The following TMEM150C variants were observed in gnomAD, a reference collection of about 807,000 sequenced individuals.
TMEM150C encodes the protein transmembrane protein 150C, also known as tentonin 3.
Under a neutral mutation model 29.9 loss-of-function variants are expected in TMEM150C, and 10 were observed. That is an observed-to-expected ratio of 0.33 (90% CI 0.21 to 0.57). TMEM150C has a LOEUF of 0.57. TMEM150C is among the 20% of genes least tolerant of loss of function. TMEM150C has a pLI of 0.88. For synonymous variants in TMEM150C, 101 were observed against 112.5 expected, an observed-to-expected ratio of 0.90 and a Z score of 0.64; for missense variants, 251 against 303.6, an observed-to-expected ratio of 0.83 and a Z score of 1.29.
At position 82,483,764 on chromosome 4, in the gene TMEM150C, T is replaced by C. The variant is rs2110058314; in HGVS notation, c.*1747A>G. 6.6e-6 allele frequency: 1 copy of C among 151,976 alleles called. No individual in the cohort carries two copies. The highest frequency in any genetic ancestry group is 1.5e-5 in the Non-Finnish European group (1 of 68,012). The allele number at this position is 151,976 out of a possible 1,614,324, so 9.4% of individuals were successfully genotyped here. A position where few individuals can be genotyped will look rare whatever the true frequency, so the allele number is the denominator to read the frequency against. ...CCTTTTCCTCAAGAAATTCAGACTT[T>C]GGGTTGAATTAAAAAACGTTTTTCT... On this transcript the variant is annotated 3_prime_UTR_variant, in exon 8 of 8. Coordinates refer to ENST00000449862, the MANE Select transcript of TMEM150C (RefSeq NM_001080506.3).
intron 1 of TMEM150C, among the ~76,000 whole-genome samples, chr4:82,560,905 C>T (rs983601799): frequency 6.6e-6 from 1 of 152,210 alleles, no homozygotes; most frequent in Non-Finnish European, 1.5e-5. Flanking sequence ...CCCAACAGGA[C>T]CTCGCATGTA....
chr4:82,491,854 T>C, intron 6 of TMEM150C, among the ~76,000 whole-genome samples: 1 of 151,978 alleles, frequency 6.6e-6, no homozygotes, highest in East Asian at 1.9e-4. Flanking sequence ...CAATATTTAA[T>C]TGGCACAGAC....
intron 1 of TMEM150C, among the ~76,000 whole-genome samples, chr4:82,542,393 G>A (rs925890501): frequency 6.6e-6 from 1 of 152,160 alleles, no homozygotes; most frequent in Non-Finnish European, 1.5e-5. Context: ...AATAAAATGG[G>A]TTCAGATTAT....
intron 1 of TMEM150C, among the ~76,000 whole-genome samples, chr4:82,538,737 G>GTT (rs1412862349): frequency 1.3e-5 from 2 of 152,068 alleles, no homozygotes; most frequent in Non-Finnish European, 2.9e-5. Context: ...ATGAGTCAAA[G>GTT]CCTTAGAATG....
chr4:82,551,254 AT>A (rs1176514584), intron 1 of TMEM150C, among the ~76,000 whole-genome samples: 3 of 151,930 alleles, frequency 2.0e-5, no homozygotes, highest in Non-Finnish European at 4.4e-5. Flanking sequence ...CTTTACCATG[AT>A]TTTTTTTCTC....
At chr4:82,512,749 A>G in intron 1 of TMEM150C, among the ~76,000 whole-genome samples, 1 of 152,216 alleles carries the variant, frequency 6.6e-6, no homozygotes, top group East Asian at 1.9e-4. Flanking sequence ...AATTAATGCC[A>G]CTGAATTATA....
intron 1 of TMEM150C, among the ~76,000 whole-genome samples, chr4:82,511,620 C>T (rs1724130518): frequency 6.6e-6 from 1 of 151,954 alleles, no homozygotes; most frequent in Non-Finnish European, 1.5e-5. Flanking sequence ...GGACTACAGG[C>T]GTGTGCCACT....
chr4:82,553,815 T>C (rs1725657424), intron 1 of TMEM150C, among the ~76,000 whole-genome samples: 1 of 152,250 alleles, frequency 6.6e-6, no homozygotes, highest in African/African-American at 2.4e-5. Flanking sequence ...TGATCATAAC[T>C]GTATCATTCT....
chr4:82,502,679 A>G, intron 5 of TMEM150C, 48 bp downstream of exon 5: 2 of 1,546,810 alleles, frequency 1.3e-6, no homozygotes, highest in Non-Finnish European at 1.8e-6. Flanking sequence ...TTTAAAATAC[A>G]AAAGAAATGT....
chr4:82,530,807 G>T (rs1402123589), intron 1 of TMEM150C, among the ~76,000 whole-genome samples: 1 of 152,176 alleles, frequency 6.6e-6, no homozygotes, highest in Non-Finnish European at 1.5e-5. Context: ...AGTAGCTTCT[G>T]GAGAGGCCTC....
intron 1 of TMEM150C, among the ~76,000 whole-genome samples, chr4:82,550,474 A>G (rs910072017): frequency 2.0e-5 from 3 of 152,162 alleles, no homozygotes; most frequent in African/African-American, 7.2e-5. Context: ...TAGAGGTCTC[A>G]ATGAAAAAAT....
rs1723842986 is a variant in TMEM150C at position 82,504,580 on chromosome 4, T to C, written c.78A>G (p.Ile26Met). ...FTLFTSAGLW[I>M]VYFIAVEDDK... is the part of the protein sequence containing the mutation. ...TAATTAAATGAGCAAATACTCACAC[T>C]ATCCACAATCCAGCTGAAGTAAACA... The change falls in exon 2 of 8, where the codon ATA becomes ATG. Residue 26 changes from isoleucine to methionine, a missense_variant and splice_region_variant. Physicochemically the swap from Ile to Met is conservative, Grantham distance 10. Transcript: ENST00000449862. 1 of 1,611,162 alleles carries C rather than the reference T, an allele frequency of 6.2e-7. No homozygotes were observed. Among genetic ancestry groups the C allele is most frequent in the African/African-American group, 1.3e-5 (1 of 74,876 alleles).
chr4:82,516,775 T>G (rs1724308324), intron 1 of TMEM150C, among the ~76,000 whole-genome samples: 2 of 152,226 alleles, frequency 1.3e-5, no homozygotes, highest in Admixed American at 6.5e-5. Flanking sequence ...GTCCTCTTGG[T>G]GAAGCAAAAG....
Position 82,483,711 on chromosome 4 carries a change from GAAC to G in TMEM150C, c.*1797_*1799del, listed in dbSNP as rs1431684983. On this transcript the variant is annotated 3_prime_UTR_variant, in exon 8 of 8. Transcript: ENST00000449862. ...GCCAGGCACTGTGTTAAGAGGTGGG[GAAC>G]AATACAGAGATGAAAAGACATTGAC... is the stretch of plus-strand genomic sequence containing the variant. 1.3e-5 allele frequency: 2 copies of G among 151,976 alleles called. No homozygotes were observed. The highest frequency in any genetic ancestry group is 2.9e-5 in the Non-Finnish European group (2 of 68,012). The allele number at this position is 151,976 out of a possible 1,614,324, so 9.4% of individuals were successfully genotyped here. A position where few individuals can be genotyped will look rare whatever the true frequency, so the allele number is the denominator to read the frequency against.
intron 6 of TMEM150C, chr4:82,490,730 C>T: frequency 8.1e-6 from 3 of 369,682 alleles, no homozygotes; most frequent in South Asian, 6.7e-5. Flanking sequence ...ACCACAGGTA[C>T]ATGCCACCAT....
intron 5 of TMEM150C, among the ~76,000 whole-genome samples, chr4:82,499,100 G>C (rs1723646947): frequency 6.6e-6 from 1 of 152,022 alleles, no homozygotes; most frequent in Non-Finnish European, 1.5e-5. Context: ...AAAAGATTCT[G>C]CCCCTATAAC....
chr4:82,541,498 G>A (rs1725201534), intron 1 of TMEM150C, among the ~76,000 whole-genome samples: 1 of 152,130 alleles, frequency 6.6e-6, no homozygotes, highest in South Asian at 2.1e-4. Context: ...GATGTACTAT[G>A]TCTGTACTCT....
chr4:82,521,558 T>C (rs1036327303), intron 1 of TMEM150C, among the ~76,000 whole-genome samples: 6 of 152,142 alleles, frequency 3.9e-5, no homozygotes, highest in Non-Finnish European at 7.3e-5. Context: ...ATTCTGACCA[T>C]GGGGATTAGA....
intron 1 of TMEM150C, among the ~76,000 whole-genome samples, chr4:82,530,254 T>C (rs1724796106): frequency 6.6e-6 from 1 of 151,578 alleles, no homozygotes; most frequent in South Asian, 2.1e-4. Context: ...TGAACAGACT[T>C]ATAAAAACCA....
Sources: allele counts gnomAD v4.1 joint callset (sites outside exome capture counted in the v4.1 genomes callset), GRCh38; gene constraint gnomAD v4.1.1; transcripts MANE v1.5; gene names NCBI Gene and HGNC (gene_info 2026-07-23, HGNC 2026-07-21).